Variants in MBOAT2 observed in about 807,000 individuals in gnomAD.
The protein encoded by MBOAT2 is membrane-bound glycerophospholipid O-acyltransferase 2.
MBOAT2 carries 28 observed loss-of-function variants against 63.4 expected under a neutral mutation model. The observed-to-expected ratio is 0.44, with a 90% CI of 0.33 to 0.61. The LOEUF is 0.61. Ranked by LOEUF, MBOAT2 falls within the 20% of genes least tolerant of loss-of-function variation. The pLI, the probability that MBOAT2 is intolerant of heterozygous loss-of-function variation, is 0.03. For missense variants in MBOAT2, 470 were observed against 605.8 expected (o/e 0.78, Z 2.35); for synonymous variants, 211 against 215.6 (o/e 0.98, Z 0.19).
chr2:8,955,418 G>A (rs984324618), intron 2 of MBOAT2, among the ~76,000 whole-genome samples: 3 of 152,150 alleles, frequency 2.0e-5, no homozygotes, highest in Admixed American at 6.5e-5. Flanking sequence ...CACATACTGG[G>A]GCTTCACTCA....
At position 8,858,504 on chromosome 2, in the gene MBOAT2, T is replaced by A; in HGVS notation, c.*175A>T. On this transcript the variant is annotated 3_prime_UTR_variant, in exon 13 of 13. Coordinates refer to ENST00000305997, the MANE Select transcript of MBOAT2 (RefSeq NM_138799.4). ...AGGCGTGGCCCACGGAGACATGGCATGGGAGGGCTTGTTTCACTCCATTTC... is the reference window on the plus strand; with the variant it reads ...AGGCGTGGCCCACGGAGACATGGCAAGGGAGGGCTTGTTTCACTCCATTTC... 1.8e-6 allele frequency: 1 copy of A among 561,202 alleles called. No homozygotes were observed. Among genetic ancestry groups the A allele is most frequent in the Non-Finnish European group, 3.1e-6 (1 of 319,416 alleles). The allele number at this position is 561,202 out of a possible 1,614,324, so 34.8% of individuals were successfully genotyped here.
intron 8 of MBOAT2, 58 bp downstream of exon 8, chr2:8,873,050 C>G: frequency 6.7e-7 from 1 of 1,491,512 alleles, no homozygotes; most frequent in Non-Finnish European, 9.2e-7. Context: ...AGCAATCTAT[C>G]GACAAGGTAA....
chr2:8,968,165 T>TC (rs1670144261), intron 1 of MBOAT2, among the ~76,000 whole-genome samples: 1 of 146,716 alleles, frequency 6.8e-6, no homozygotes, highest in South Asian at 2.2e-4. Flanking sequence ...TGGCCAGGTA[T>TC]CCCTCTGAGA....
intron 3 of MBOAT2, among the ~76,000 whole-genome samples, chr2:8,914,853 G>C (rs543509448): frequency 6.6e-6 from 1 of 151,302 alleles, no homozygotes; most frequent in South Asian, 2.1e-4. Context: ...GGCTATATTG[G>C]GTAAAATGAA....
chr2:8,859,422 T>C (rs1359451016), intron 12 of MBOAT2, among the ~76,000 whole-genome samples: 1 of 152,192 alleles, frequency 6.6e-6, no homozygotes, highest in Non-Finnish European at 1.5e-5. Flanking sequence ...TTATTAAAAA[T>C]ATTGAAAACA....
chr2:8,890,458 G>A lies in MBOAT2; in HGVS notation c.396-2385C>T, dbSNP rs73149378. Among the ~76,000 whole-genome samples the A allele has an allele frequency of 5.8e-3, 878 of 152,298 alleles. 5 individuals carry two copies. Among genetic ancestry groups the A allele is most frequent in the African/African-American group, 0.021 (855 of 41,568 alleles). ...AGTCCATGAGGCAAGGAACCTAACA[G>A]TCTTGTTCACCACTGAATCTCCAGC... On this transcript the variant is annotated intron_variant, in intron 4 of 12. Transcript: ENST00000305997.
chr2:8,887,890 G>T, intron 5 of MBOAT2, 128 bp downstream of exon 5: 1 of 841,566 alleles, frequency 1.2e-6, no homozygotes, highest in Non-Finnish European at 2.0e-6. Context: ...GCACAGTTAA[G>T]TATATTTCCC....
chr2:8,878,075 G>T (rs1196886479), intron 6 of MBOAT2, among the ~76,000 whole-genome samples: 1 of 152,250 alleles, frequency 6.6e-6, no homozygotes, highest in Non-Finnish European at 1.5e-5. Context: ...TCTCCAGGCA[G>T]GAGGTGACAA....
intron 1 of MBOAT2, among the ~76,000 whole-genome samples, chr2:8,962,869 C>T (rs1669710092): frequency 6.6e-6 from 1 of 152,062 alleles, no homozygotes; most frequent in Non-Finnish European, 1.5e-5. Context: ...TATATACACA[C>T]ATGGGATATG....
At chr2:8,914,917 G>T in intron 3 of MBOAT2, among the ~76,000 whole-genome samples, 1 of 136,864 alleles carries the variant, frequency 7.3e-6, no homozygotes, top group African/African-American at 2.7e-5. Context: ...TTTTTAAACT[G>T]TGACTACTGG....
chr2:8,896,366 A>G (rs1664473359), intron 4 of MBOAT2, among the ~76,000 whole-genome samples: 1 of 152,020 alleles, frequency 6.6e-6, no homozygotes, highest in Admixed American at 6.5e-5. Flanking sequence ...CTCTTCCCCT[A>G]AGAAGGTGCA....
intron 3 of MBOAT2, among the ~76,000 whole-genome samples, chr2:8,936,971 C>T (rs1402066617): frequency 6.6e-6 from 1 of 152,166 alleles, no homozygotes; most frequent in African/African-American, 2.4e-5. Context: ...AAATATCTTC[C>T]TAATTCCAAT....
In MBOAT2 at chr2:8,853,317, G is replaced by A. The variant is rs1043374928; in HGVS notation, c.*5362C>T. 6.6e-6 allele frequency: 1 copy of A among 152,206 alleles called. No homozygotes were observed. The highest frequency in any genetic ancestry group is 6.5e-5 in the Admixed American group (1 of 15,276). 9.4% of individuals were successfully genotyped at this position (152,206 alleles called of 1,614,324 possible). On this transcript the variant is annotated 3_prime_UTR_variant, in exon 13 of 13. Coordinates refer to ENST00000305997, the MANE Select transcript of MBOAT2 (RefSeq NM_138799.4). ...TTGATTCCTTTTTCCTTGTGATAAA[G>A]CCAGAGGCAAATGTACTTCATTGAT...
chr2:8,975,952 C>T (rs1670785852), intron 1 of MBOAT2, among the ~76,000 whole-genome samples: 1 of 152,064 alleles, frequency 6.6e-6, no homozygotes, highest in African/African-American at 2.4e-5. Context: ...CTAATTCCAC[C>T]TACACCAAAT....
intron 2 of MBOAT2, among the ~76,000 whole-genome samples, chr2:8,950,663 A>G (rs575424695): frequency 7.8e-4 from 119 of 152,156 alleles, no homozygotes; most frequent in Non-Finnish European, 4.1e-4. Flanking sequence ...TTCTGACCTC[A>G]TGATCCACCC....
At chr2:8,915,938 C>CA (rs1666139925) in intron 3 of MBOAT2, among the ~76,000 whole-genome samples, 1 of 152,182 alleles carries the variant, frequency 6.6e-6, no homozygotes, top group Non-Finnish European at 1.5e-5. Context: ...ATGGTATCCC[C>CA]ATCACTGTCA....
chr2:8,987,076 T>G (rs1168773169), intron 1 of MBOAT2, among the ~76,000 whole-genome samples: 1 of 152,214 alleles, frequency 6.6e-6, no homozygotes, highest in Non-Finnish European at 1.5e-5. Context: ...TAGTCAATAA[T>G]AATTATCAAT....
At chr2:8,962,330 T>G (rs1174728573) in intron 1 of MBOAT2, among the ~76,000 whole-genome samples, 1 of 152,182 alleles carries the variant, frequency 6.6e-6, no homozygotes, top group Non-Finnish European at 1.5e-5. Context: ...AACAGAATAA[T>G]GGTCCATAAA....
At chr2:8,902,072 C>T (rs1178591068) in intron 4 of MBOAT2, among the ~76,000 whole-genome samples, 3 of 152,168 alleles carry the variant, frequency 2.0e-5, no homozygotes, top group Non-Finnish European at 4.4e-5. Flanking sequence ...CAACCCTCAG[C>T]TCAGCCCAGA....
Sources: gnomAD v4.1 joint callset for allele counts (sites outside exome capture counted in the v4.1 genomes callset) on GRCh38, gnomAD v4.1.1 for gene constraint, MANE v1.5 for transcripts, NCBI Gene and HGNC (gene_info 2026-07-23, HGNC 2026-07-21) for gene names.